NUTM2B: variants seen among roughly 807,000 people sequenced by gnomAD.
The protein encoded by NUTM2B is family with sequence similarity 22, member B.
Under a neutral mutation model 42.4 loss-of-function variants are expected in NUTM2B, and 2 were observed. The observed-to-expected ratio is 0.05, with a 90% CI of 0.02 to 0.15. The LOEUF (loss-of-function observed/expected upper bound fraction) is 0.15. NUTM2B is among the 10% of genes least tolerant of loss of function. NUTM2B has a pLI of 1.00. For synonymous variants in NUTM2B, 18 were observed against 402.4 expected, an observed-to-expected ratio of 0.04 and a Z score of 11.43; for missense variants, 58 against 952.6, an observed-to-expected ratio of 0.06 and a Z score of 12.36.
At chr10:79,700,153 T>G (rs1840286346), upstream of NUTM2B, among the ~76,000 whole-genome samples, 1 of 152,236 alleles carries the variant, frequency 6.6e-6, no homozygotes, top group Non-Finnish European at 1.5e-5. Flanking sequence ...AAACTATGAC[T>G]AAAGGACTGT....
the NUTM2B span, among the ~76,000 whole-genome samples, chr10:79,696,702 A>G: frequency 2.0e-5 from 3 of 152,388 alleles, no homozygotes; most frequent in South Asian, 4.1e-4. Flanking sequence ...AGTGCTCACT[A>G]TAACAGTGAA....
At chr10:79,699,504 A>G (rs1840275064), upstream of NUTM2B, among the ~76,000 whole-genome samples, 2 of 152,236 alleles carry the variant, frequency 1.3e-5, 1 homozygote, top group South Asian at 4.1e-4. Flanking sequence ...GTGCAGTGGC[A>G]CGATCTGGGC....
upstream of NUTM2B, among the ~76,000 whole-genome samples, chr10:79,700,074 G>C (rs2986505): frequency 0.52 from 78,265 of 151,914 alleles, 21,871 homozygotes; most frequent in African/African-American, 0.71. Context: ...GTAAGCGATT[G>C]TCATGGAAGC....
At chr10:79,696,360 C>CA in the NUTM2B span, among the ~76,000 whole-genome samples, 2 of 152,028 alleles carry the variant, frequency 1.3e-5, no homozygotes, top group African/African-American at 4.8e-5. Context: ...AGCTCCAGCA[C>CA]AGCCACATCC....
chr10:79,698,165 CA>C, the NUTM2B span, among the ~76,000 whole-genome samples: 189 of 126,398 alleles, frequency 1.5e-3, 1 homozygote, highest in Middle Eastern at 4.5e-3. Flanking sequence ...CCATACAATA[CA>C]AAAAAAAAAA....
At chr10:79,693,123 GTCTGCCTGGCTGGCCCAT>G in the NUTM2B span, among the ~76,000 whole-genome samples, 24 of 152,180 alleles carry the variant, frequency 1.6e-4, no homozygotes, top group Admixed American at 6.5e-4. Flanking sequence ...TGTTCCTAGT[GTCTGCCTGGCTGGCCCAT>G]TCTGCCTTCC....
the NUTM2B span, among the ~76,000 whole-genome samples, chr10:79,696,783 T>C: frequency 6.6e-6 from 1 of 152,218 alleles, no homozygotes; most frequent in Non-Finnish European, 1.5e-5. Flanking sequence ...TGTGCAGCAA[T>C]AGCGCATGCA....
intron 3 of NUTM2B, among the ~76,000 whole-genome samples, 167 bp from the exon 4 acceptor site, chr10:79,709,633 G>T (rs385292): frequency 1.5e-5 from 2 of 133,012 alleles, no homozygotes; most frequent in Non-Finnish European, 3.2e-5. Context: ...GGGTGAGCCC[G>T]GAACTCTGGG....
the NUTM2B span, among the ~76,000 whole-genome samples, chr10:79,697,693 G>T: frequency 6.6e-6 from 1 of 150,954 alleles, no homozygotes; most frequent in Non-Finnish European, 1.5e-5. Flanking sequence ...CTTTTCAGTA[G>T]ATTTGTTAAC....
upstream of NUTM2B, among the ~76,000 whole-genome samples, chr10:79,702,568 G>C (rs16914083): frequency 0.13 from 19,181 of 150,670 alleles, 1,911 homozygotes; most frequent in East Asian, 0.43. Context: ...GTCTTCAAAA[G>C]GGGCAAATGC....
At chr10:79,695,951 T>A in the NUTM2B span, among the ~76,000 whole-genome samples, 1 of 149,792 alleles carries the variant, frequency 6.7e-6, no homozygotes, top group South Asian at 2.2e-4. Context: ...TTATATGGAT[T>A]CTTTGGCCCT....
At chr10:79,695,302 C>G in the NUTM2B span, among the ~76,000 whole-genome samples, 63 of 152,304 alleles carry the variant, frequency 4.1e-4, no homozygotes, top group African/African-American at 1.4e-3. Flanking sequence ...CTTGGTTCCT[C>G]AGGCTGAGTA....
chr10:79,696,628 A>C, the NUTM2B span, among the ~76,000 whole-genome samples: 1 of 152,354 alleles, frequency 6.6e-6, no homozygotes, highest in East Asian at 1.9e-4. Flanking sequence ...GTGGAAAAGA[A>C]GAAGGGGAAA....
At chr10:79,695,227 C>T in the NUTM2B span, among the ~76,000 whole-genome samples, 4 of 152,276 alleles carry the variant, frequency 2.6e-5, no homozygotes, top group African/African-American at 9.6e-5. Context: ...GATTCAGGCC[C>T]TTGTGCCTGA....
At chr10:79,695,924 A>G in the NUTM2B span, among the ~76,000 whole-genome samples, 37,613 of 148,482 alleles carry the variant, frequency 0.25, 5,414 homozygotes, top group East Asian at 0.68. Context: ...GTAGGAGGAA[A>G]AGCAAGAAAC....
intron 2 of NUTM2B, among the ~76,000 whole-genome samples, chr10:79,707,281 C>T (rs1175617461): frequency 7.6e-6 from 1 of 131,126 alleles, no homozygotes; most frequent in Non-Finnish European, 1.6e-5. Flanking sequence ...TTTGCATCTT[C>T]ACCCTCAATC....
rs577193263 is a variant in NUTM2B, at chr10:79,709,600, C to A, written c.1212-200C>A. On this transcript the variant is annotated intron_variant, in intron 3 of 6. Coordinates refer to ENST00000429828, the Ensembl canonical transcript of NUTM2B. ...CAGGAAGCCCCGTTGATGCCATGGG[C>A]TCTGCAGGGGCCGGGTGAGGGAGGG... Among the ~76,000 whole-genome samples the A allele has an allele frequency of 5.3e-5, 7 of 132,372 alleles. 1 individual carries two copies. The East Asian group carries it at 7.5e-4, about 14-fold the overall frequency. The allele number at this position is 132,372 out of a possible 152,430, so 86.8% of individuals were successfully genotyped here. A position where few individuals can be genotyped will look rare whatever the true frequency, so the allele number is the denominator to read the frequency against.
chr10:79,702,365 T>C (rs1840327327), upstream of NUTM2B, among the ~76,000 whole-genome samples: 1 of 149,920 alleles, frequency 6.7e-6, no homozygotes, highest in African/African-American at 2.5e-5. Context: ...ACCATTCAGG[T>C]TCAGAGTTGG....
chr10:79,694,942 T>C, the NUTM2B span, among the ~76,000 whole-genome samples: 1 of 152,092 alleles, frequency 6.6e-6, no homozygotes, highest in Non-Finnish European at 1.5e-5. Context: ...CACCTGCAGC[T>C]CAGGGGTGCC....
Sources: allele counts gnomAD v4.1 joint callset (sites outside exome capture counted in the v4.1 genomes callset), GRCh38; gene constraint gnomAD v4.1.1; transcripts MANE v1.5; gene names NCBI Gene and HGNC (gene_info 2026-07-23, HGNC 2026-07-21).